Variants in APLF observed in about 807,000 individuals in gnomAD.
The protein encoded by APLF is aprataxin and PNK-like factor.
In APLF, 61 loss-of-function variants were observed where a neutral mutation model predicts 55.6. The observed-to-expected ratio is 1.10, with a 90% CI of 0.89 to 1.36. The LOEUF is 1.36. APLF is among the 40% of genes most tolerant of loss of function. The probability of loss-of-function intolerance (pLI) is 0.00; values close to 1 mark genes in which losing one functional copy is unlikely to be tolerated. For missense variants in APLF, 611 were observed against 602.5 expected (o/e 1.01, Z -0.15); for synonymous variants, 207 against 214.8 (o/e 0.96, Z 0.32).
chr2:68,472,602 G>T (rs1421547402), intron 1 of APLF, among the ~76,000 whole-genome samples: 1 of 152,152 alleles, frequency 6.6e-6, no homozygotes, highest in Non-Finnish European at 1.5e-5. Context: ...CTGAAGTTAA[G>T]AGGTGGGATC....
chr2:68,494,477 G>A (rs1249360136), intron 2 of APLF, among the ~76,000 whole-genome samples: 1 of 150,832 alleles, frequency 6.6e-6, no homozygotes, highest in African/African-American at 2.4e-5. Flanking sequence ...TGAGGGGAAG[G>A]TGCCACACAC....
intron 1 of APLF, among the ~76,000 whole-genome samples, chr2:68,489,633 A>C (rs1388324988): frequency 6.6e-6 from 1 of 152,150 alleles, no homozygotes; most frequent in Non-Finnish European, 1.5e-5. Context: ...GGTTTTCACT[A>C]TTCCCCTTCT....
intron 1 of APLF, among the ~76,000 whole-genome samples, chr2:68,468,308 T>A (rs1258906375): frequency 6.6e-6 from 1 of 152,224 alleles, no homozygotes; most frequent in Non-Finnish European, 1.5e-5. Flanking sequence ...TAATTTCTTT[T>A]AACCTTTGGT....
At chr2:68,563,808 G>T (rs1417495455) in intron 8 of APLF, among the ~76,000 whole-genome samples, 1 of 151,970 alleles carries the variant, frequency 6.6e-6, no homozygotes, top group African/African-American at 2.4e-5. Flanking sequence ...AAAGAGAACT[G>T]CTTGGTACCC....
At chr2:68,469,795 A>G (rs939574694) in intron 1 of APLF, among the ~76,000 whole-genome samples, 4 of 152,238 alleles carry the variant, frequency 2.6e-5, no homozygotes, top group Non-Finnish European at 5.9e-5. Context: ...TGGAAAACTC[A>G]GTAAGTTCAT....
chr2:68,524,416 A>T (rs1558541850), intron 5 of APLF, among the ~76,000 whole-genome samples: 7 of 152,244 alleles, frequency 4.6e-5, no homozygotes. Flanking sequence ...AGCAAACTAC[A>T]GCCCATGGGC....
At chr2:68,539,545 A>T (rs1358606152) in intron 7 of APLF, among the ~76,000 whole-genome samples, 1 of 152,126 alleles carries the variant, frequency 6.6e-6, no homozygotes, top group Admixed American at 6.6e-5. Context: ...TCATCTTTTT[A>T]AAGCCCCTAT....
At chr2:68,571,367 C>T (rs1299061170) in intron 9 of APLF, among the ~76,000 whole-genome samples, 1 of 152,192 alleles carries the variant, frequency 6.6e-6, no homozygotes, top group Non-Finnish European at 1.5e-5. Context: ...GAAGTCCTTG[C>T]TTATGCCTAT....
chr2:68,498,940 T>C (rs1448012690), intron 2 of APLF, among the ~76,000 whole-genome samples: 1 of 152,154 alleles, frequency 6.6e-6, no homozygotes, highest in Non-Finnish European at 1.5e-5. Context: ...GTTTTTCTTC[T>C]CATGAAATTA....
chr2:68,578,176 C>T lies in APLF; in HGVS notation c.*154C>T, dbSNP rs1377349872. 4 of 1,407,694 alleles carry T rather than the reference C, an allele frequency of 2.8e-6. No homozygotes were observed. Among genetic ancestry groups the T allele is most frequent in the Non-Finnish European group, 1.8e-6 (2 of 1,083,146 alleles). The allele number at this position is 1,407,694 out of a possible 1,614,324, so 87.2% of individuals were successfully genotyped here. ...ACTCTTTACAAATGAGACATTGAAA[C>T]GTCAGCCTTCAGTATAATAGATGGA... On this transcript the variant is annotated 3_prime_UTR_variant, in exon 10 of 10. Coordinates refer to ENST00000303795, the MANE Select transcript of APLF (RefSeq NM_173545.3).
Position 68,513,163 on chromosome 2 carries a change from G to A in APLF, c.425G>A (p.Gly142Asp). 1.2e-6 allele frequency: 2 copies of A among 1,611,400 alleles called. No individual in the cohort carries two copies. Among genetic ancestry groups the A allele is most frequent in the South Asian group, 1.1e-5 (1 of 90,912 alleles). The change falls in exon 4 of 10, where the codon GGT becomes GAT. Residue 142 changes from glycine (G) to aspartate (D), a missense_variant. Gly to Asp is a moderately conservative substitution (Grantham distance 94, BLOSUM62 -1). Transcript: ENST00000303795. ...PVINLPHETT[G>D]ASQLEGSTEI... ...ATTAATTTACCTCATGAGACTACTGGTGCCTCACAACTGGAAGGAAGCACA... is the reference window on the plus strand; with the variant it reads ...ATTAATTTACCTCATGAGACTACTGATGCCTCACAACTGGAAGGAAGCACA...
chr2:68,490,125 C>T, intron 1 of APLF, 65 bp from the exon 2 acceptor site: 1 of 1,242,670 alleles, frequency 8.0e-7, no homozygotes, highest in Non-Finnish European at 1.1e-6. Flanking sequence ...TTTCGTTTGC[C>T]TTTTTGTTTT....
At chr2:68,565,060 A>G (rs777719108) in intron 8 of APLF, among the ~76,000 whole-genome samples, 5 of 152,080 alleles carry the variant, frequency 3.3e-5, no homozygotes, top group Non-Finnish European at 7.4e-5. Flanking sequence ...GTTTTATTGG[A>G]CAACACAGAG....
chr2:68,569,770 C>T (rs1558556866), intron 9 of APLF, among the ~76,000 whole-genome samples: 1 of 151,994 alleles, frequency 6.6e-6, no homozygotes, highest in African/African-American at 2.4e-5. Flanking sequence ...AAGGATGAAT[C>T]AAGAGGATTT....
At chr2:68,565,132 G>A (rs1193484966) in intron 8 of APLF, among the ~76,000 whole-genome samples, 1 of 152,040 alleles carries the variant, frequency 6.6e-6, no homozygotes, top group Admixed American at 6.6e-5. Context: ...AGGGTTATCA[G>A]TTGAAACTCT....
intron 6 of APLF, among the ~76,000 whole-genome samples, chr2:68,535,603 C>CTT (rs200351772): frequency 4.7e-5 from 6 of 128,760 alleles, no homozygotes; most frequent in Non-Finnish European, 5.1e-5. Context: ...TAGCTGTGCT[C>CTT]TTTTTTTTTT....
intron 8 of APLF, among the ~76,000 whole-genome samples, chr2:68,554,560 C>T (rs964138709): frequency 2.0e-5 from 3 of 151,376 alleles, no homozygotes; most frequent in Non-Finnish European, 2.9e-5. Flanking sequence ...TTGTTTGTGT[C>T]GTCTATGATT....
chr2:68,576,902 C>G (rs1170653595), intron 9 of APLF, among the ~76,000 whole-genome samples: 1 of 152,088 alleles, frequency 6.6e-6, no homozygotes, highest in Admixed American at 6.6e-5. Flanking sequence ...TGAAATCTTC[C>G]TAATTGTTTC....
intron 6 of APLF, among the ~76,000 whole-genome samples, chr2:68,536,853 AGTATT>A (rs1670404924): frequency 6.6e-6 from 1 of 152,138 alleles, no homozygotes; most frequent in South Asian, 2.1e-4. Flanking sequence ...GCAGAAATAA[AGTATT>A]GCAGTAGCTT....
Sources: allele counts gnomAD v4.1 joint callset (sites outside exome capture counted in the v4.1 genomes callset), GRCh38; gene constraint gnomAD v4.1.1; transcripts MANE v1.5; gene names NCBI Gene and HGNC (gene_info 2026-07-23, HGNC 2026-07-21).